Variants in KTN1 observed in about 807,000 individuals in gnomAD.
The protein encoded by KTN1 is kinectin.
Under a neutral mutation model 222.5 loss-of-function variants are expected in KTN1, and 130 were observed. The observed-to-expected ratio is 0.58, with a 90% CI of 0.51 to 0.68. The LOEUF (loss-of-function observed/expected upper bound fraction) is 0.68. KTN1 is among the 30% of genes least tolerant of loss of function. The pLI is 0.00. For missense variants in KTN1, 1,508 were observed against 1,500.4 expected, an observed-to-expected ratio of 1.01 and a Z score of -0.08; for synonymous variants, 512 against 496.3, an observed-to-expected ratio of 1.03 and a Z score of -0.42.
chr14:55,599,174 T>G (rs1951156716), intron 1 of KTN1, among the ~76,000 whole-genome samples: 1 of 152,188 alleles, frequency 6.6e-6, no homozygotes, highest in African/African-American at 2.4e-5. Context: ...TTCTAATTTT[T>G]CTGTTTTTTT....
At chr14:55,667,403 C>A in intron 34 of KTN1, 73 bp downstream of exon 34, 14 of 819,800 alleles carry the variant, frequency 1.7e-5, no homozygotes, top group Non-Finnish European at 2.8e-5. Context: ...ACATCATTTG[C>A]ACTCCACTTG....
chr14:55,650,602 G>C lies in KTN1; in HGVS notation c.2530G>C (p.Glu844Gln). 6.2e-7 allele frequency: 1 copy of C among 1,612,564 alleles called. No individual in the cohort carries two copies. The highest frequency in any genetic ancestry group is 8.5e-7 in the Non-Finnish European group (1 of 1,178,796). The part of the protein sequence containing the change: ...LKQEIKALKE[E>Q]IGNVQLEKAQ... ...ACAGGAAATAAAGGCTCTAAAAGAAGAAATAGGAAATGTCCAGCTTGAAAA... is the reference window on the plus strand; with the variant it reads ...ACAGGAAATAAAGGCTCTAAAAGAACAAATAGGAAATGTCCAGCTTGAAAA... Residue 844 changes from glutamate (E) to glutamine (Q), a missense_variant, in exon 24 of 44, where the codon GAA (glutamate) becomes CAA (glutamine). Transcript: ENST00000395314.
At chr14:55,600,836 T>G (rs1021628133) in intron 1 of KTN1, among the ~76,000 whole-genome samples, 1 of 152,230 alleles carries the variant, frequency 6.6e-6, no homozygotes, top group Non-Finnish European at 1.5e-5. Context: ...TTATTACTTT[T>G]TTGGTATTAA....
intron 5 of KTN1, 24 bp downstream of exon 5, chr14:55,619,336 G>A (rs1473151647): frequency 1.2e-6 from 2 of 1,607,598 alleles, no homozygotes; most frequent in Non-Finnish European, 1.7e-6. Context: ...TTGATTATGG[G>A]CATATTCATG....
intron 2 of KTN1, 106 bp downstream of exon 2, chr14:55,612,677 A>G (rs2037764602): frequency 1.1e-6 from 1 of 898,854 alleles, no homozygotes; most frequent in Non-Finnish European, 1.6e-6. Flanking sequence ...TGAATTTGAA[A>G]CCATGATTAT....
intron 32 of KTN1, 80 bp from the exon 33 acceptor site, chr14:55,663,875 T>C (rs2044411247): frequency 1.1e-6 from 1 of 924,578 alleles, no homozygotes; most frequent in African/African-American, 1.7e-5. Context: ...TTAAATGCAG[T>C]GCAAAATACT....
intron 8 of KTN1, 140 bp from the exon 9 acceptor site, chr14:55,634,386 G>C (rs1381168644): frequency 1.8e-6 from 1 of 564,618 alleles, no homozygotes; most frequent in Non-Finnish European, 3.0e-6. Context: ...TTTATTGTTA[G>C]TAGTCACTTG....
intron 18 of KTN1, 37 bp from the exon 19 acceptor site, chr14:55,646,935 TG>T: frequency 7.6e-7 from 1 of 1,315,184 alleles, no homozygotes; most frequent in Non-Finnish European, 1.1e-6. Flanking sequence ...CATGCAAATT[TG>T]GTAAAGTTAA....
chr14:55,615,585 G>A (rs2140681163), intron 2 of KTN1, among the ~76,000 whole-genome samples: 1 of 152,306 alleles, frequency 6.6e-6, no homozygotes, highest in South Asian at 2.1e-4. Context: ...AGTCAAATAA[G>A]GAGTAATGAG....
At chr14:55,652,678 C>T (rs899758517) in intron 25 of KTN1, among the ~76,000 whole-genome samples, 172 bp from the exon 26 acceptor site, 3 of 152,176 alleles carry the variant, frequency 2.0e-5, no homozygotes, top group South Asian at 2.1e-4. Context: ...GGATTACAGG[C>T]GTGAGCCACT....
At position 55,640,985 on chromosome 14, in the gene KTN1, G is replaced by A; in HGVS notation, c.2021+15G>A. ...ATGCAACAAAGGTGACTAAAGTATT[G>A]TACATCTAGTCGTTCATACATTTAT... On this transcript the variant is annotated intron_variant, in intron 16 of 43. Transcript: ENST00000395314. 1 of 1,594,148 alleles carries A rather than the reference G, an allele frequency of 6.3e-7. No homozygotes were observed. Among genetic ancestry groups the A allele is most frequent in the East Asian group, 2.2e-5 (1 of 44,710 alleles).
rs1033666013 is a variant in KTN1 at position 55,684,177 on chromosome 14, A to C, written c.*74A>C. 6.0e-6 allele frequency: 7 copies of C among 1,169,910 alleles called. No homozygotes were observed. In the African/African-American group the frequency reaches 1.1e-4, roughly 18 times the overall value. 72.5% of individuals were successfully genotyped at this position (1,169,910 alleles called of 1,614,324 possible). A position where few individuals can be genotyped will look rare whatever the true frequency, so the allele number is the denominator to read the frequency against. On this transcript the variant is annotated 3_prime_UTR_variant, in exon 44 of 44. Coordinates refer to ENST00000395314, the MANE Select transcript of KTN1 (RefSeq NM_001079521.2). ...ATTTTGCCAAATTAAAGCCTTATTT[A>C]TGTTTTCACCCTTTCTACTTTGTCA...
chr14:55,667,142 C>A (rs2044862667), intron 33 of KTN1, 99 bp from the exon 34 acceptor site: 2 of 745,258 alleles, frequency 2.7e-6, no homozygotes, highest in South Asian at 1.8e-5. Context: ...TAAACTTTTT[C>A]TTCCCGTAGA....
intron 20 of KTN1, 129 bp downstream of exon 20, chr14:55,648,244 A>G (rs2042593868): frequency 4.5e-6 from 2 of 443,070 alleles, no homozygotes; most frequent in East Asian, 4.8e-5. Context: ...ATAAATTTAT[A>G]TAATGCTTTT....
chr14:55,652,570 T>G (rs1244043419), intron 25 of KTN1, among the ~76,000 whole-genome samples: 2 of 152,034 alleles, frequency 1.3e-5, no homozygotes, highest in Non-Finnish European at 2.9e-5. Flanking sequence ...GGCTAATTTT[T>G]TTGTATTTTT....
In KTN1 at chr14:55,671,771, G is replaced by C; in HGVS notation, c.3439-14G>C. 2 of 1,589,842 alleles carry C rather than the reference G, an allele frequency of 1.3e-6. No individual in the cohort carries two copies. The highest frequency in any genetic ancestry group is 2.7e-5 in the African/African-American group (2 of 74,390). ...AACATGAATTTTTCAAAACAACTAT[G>C]CTTTTGTCTGTAGGAAGGAATTTTA... On this transcript the variant is annotated splice_polypyrimidine_tract_variant and intron_variant, in intron 36 of 43. Transcript: ENST00000395314.
intron 34 of KTN1, among the ~76,000 whole-genome samples, chr14:55,670,513 G>GTAC (rs2141305505): frequency 6.6e-6 from 1 of 152,074 alleles, no homozygotes; most frequent in South Asian, 2.1e-4. Context: ...TTGATGGTAG[G>GTAC]TACATAGGTC....
At chr14:55,584,770 T>C (rs898740811) in intron 1 of KTN1, among the ~76,000 whole-genome samples, 2 of 152,168 alleles carry the variant, frequency 1.3e-5, no homozygotes, top group Non-Finnish European at 2.9e-5. Context: ...GTTTTATTGA[T>C]GACTCTTTAA....
chr14:55,580,772 C>G (rs1209188874), intron 1 of KTN1, among the ~76,000 whole-genome samples: 1 of 152,170 alleles, frequency 6.6e-6, no homozygotes, highest in South Asian at 2.1e-4. Context: ...AGGCGGATTA[C>G]CGCCTCCTCG....
Sources: gnomAD v4.1 joint callset for allele counts (sites outside exome capture counted in the v4.1 genomes callset) on GRCh38, gnomAD v4.1.1 for gene constraint, MANE v1.5 for transcripts, NCBI Gene and HGNC (gene_info 2026-07-23, HGNC 2026-07-21) for gene names.